Variants in TKT observed in about 807,000 individuals in gnomAD.
The protein encoded by TKT is epididymis luminal protein 107.
TKT carries 47 observed loss-of-function variants against 63.9 expected under a neutral mutation model. The ratio of observed to expected loss-of-function variants is 0.74; its 90% CI spans 0.58 to 0.94. TKT has a LOEUF of 0.94. Ranked by LOEUF, TKT falls within the 40% of genes least tolerant of loss-of-function variation. TKT has a pLI of 0.00. For synonymous variants in TKT, 338 were observed against 334.1 expected, an observed-to-expected ratio of 1.01 and a Z score of -0.13; for missense variants, 721 against 846.2, an observed-to-expected ratio of 0.85 and a Z score of 1.84.
intron 1 of TKT, among the ~76,000 whole-genome samples, chr3:53,243,386 A>G (rs1487679818): frequency 6.6e-6 from 1 of 151,996 alleles, no homozygotes; most frequent in Non-Finnish European, 1.5e-5. Context: ...ACACGAAGAC[A>G]CGCCGCATGC....
intron 4 of TKT, among the ~76,000 whole-genome samples, chr3:53,238,809 G>A (rs1355233153): frequency 3.9e-5 from 6 of 152,210 alleles, no homozygotes; most frequent in Admixed American, 1.3e-4. Context: ...GACGGGTCAC[G>A]GTTCTCACAC....
chr3:53,245,708 C>T (rs957506147), intron 1 of TKT, among the ~76,000 whole-genome samples: 2 of 152,016 alleles, frequency 1.3e-5, no homozygotes, highest in Middle Eastern at 3.2e-3. Flanking sequence ...TAGCTTGAAC[C>T]CCGGAGGCGT....
At chr3:53,244,158 T>C (rs2106711995) in intron 1 of TKT, among the ~76,000 whole-genome samples, 1 of 152,328 alleles carries the variant, frequency 6.6e-6, no homozygotes, top group East Asian at 1.9e-4. Flanking sequence ...GCCTGCAGCC[T>C]TTCATTCCTT....
chr3:53,232,705 G>C, intron 6 of TKT: 1 of 398,808 alleles, frequency 2.5e-6, no homozygotes, highest in Non-Finnish European at 4.4e-6. Flanking sequence ...GCCTTGCTCA[G>C]CATCTGCCAT....
chr3:53,251,304 T>G (rs1248915364), intron 1 of TKT, among the ~76,000 whole-genome samples: 1 of 152,252 alleles, frequency 6.6e-6, no homozygotes, highest in Admixed American at 6.5e-5. Flanking sequence ...AGTCTGGCCC[T>G]GGTGAGAACT....
chr3:53,248,361 G>A (rs1705605765), intron 1 of TKT, among the ~76,000 whole-genome samples: 2 of 152,220 alleles, frequency 1.3e-5, no homozygotes, highest in African/African-American at 4.8e-5. Flanking sequence ...ATGAAGGGCT[G>A]GGCGTGGTGG....
chr3:53,228,880 C>T, intron 10 of TKT, 127 bp downstream of exon 10: 2 of 1,359,934 alleles, frequency 1.5e-6, no homozygotes, highest in Non-Finnish European at 2.0e-6. Flanking sequence ...CCACAAGCTA[C>T]ACGAACACCA....
intron 1 of TKT, among the ~76,000 whole-genome samples, chr3:53,250,777 T>TTTTTG (rs1465617702): frequency 3.3e-5 from 5 of 152,004 alleles, no homozygotes; most frequent in Admixed American, 2.6e-4. Flanking sequence ...TAGGAAGGTT[T>TTTTTG]TTTTGTTTTG....
At chr3:53,235,668 G>C (rs1553678445) in intron 4 of TKT, 1 of 153,056 alleles carries the variant, frequency 6.5e-6, no homozygotes, top group Non-Finnish European at 1.5e-5. Context: ...GGCCAAGGAG[G>C]CCTGAGGCAC....
In TKT at chr3:53,233,295, G is replaced by A. The variant is rs1221185153; in HGVS notation, c.630-21C>T. 5.7e-6 allele frequency: 9 copies of A among 1,590,080 alleles called. No homozygotes were observed. In the African/African-American group the frequency reaches 1.2e-4, roughly 21 times the overall value. ...GCCAACTGGGGACAGGGGGCAGAGAGTAAGGGGCAATTCCCAGGGGCCACA... is the reference window on the plus strand; with the variant it reads ...GCCAACTGGGGACAGGGGGCAGAGAATAAGGGGCAATTCCCAGGGGCCACA... On this transcript the variant is annotated intron_variant, in intron 5 of 13. Coordinates refer to ENST00000462138, the MANE Select transcript of TKT (RefSeq NM_001064.4).
chr3:53,241,138 C>A lies in TKT; in HGVS notation c.333G>T (p.Pro111=), dbSNP rs569397770. 2 of 1,557,228 alleles carry A rather than the reference C, an allele frequency of 1.3e-6. No homozygotes were observed. The highest frequency in any genetic ancestry group is 2.8e-5 in the African/African-American group (2 of 70,778). The stretch of plus-strand genomic sequence containing the variant: ...CTCTGGCAGGAGCACTTACCGGGAC[C>A]GGGTGCCCGTCCAAGTCGGAGCTGA... The part of the protein sequence containing the change: ...RKISSDLDGH[P]VPKQAFTDVA... Residue 111 remains proline (P), a synonymous_variant, in exon 3 of 14, where the codon CCG becomes CCT. Transcript: ENST00000462138.
At position 53,233,184 on chromosome 3, in the gene TKT, G is replaced by C; in HGVS notation, c.720C>G (p.Ala240=). ...QAKHQPTAII[A]KTFKGRGITG... Reference sequence around the variant, plus strand: ...TGATCCCTCGGCCCTTGAAGGTCTTGGCAATGATGGCTGTTGGCTGGTGCT... The same window carrying C: ...TGATCCCTCGGCCCTTGAAGGTCTTCGCAATGATGGCTGTTGGCTGGTGCT... Residue 240 remains alanine, a synonymous_variant, in exon 6 of 14, where the codon GCC becomes GCG. Transcript: ENST00000462138. 6.2e-7 allele frequency: 1 copy of C among 1,614,012 alleles called. No homozygotes were observed. Among genetic ancestry groups the C allele is most frequent in the Non-Finnish European group, 8.5e-7 (1 of 1,179,960 alleles).
intron 1 of TKT, among the ~76,000 whole-genome samples, chr3:53,252,841 A>G: frequency 7.4e-6 from 1 of 135,134 alleles, no homozygotes. Flanking sequence ...CCCAAGAGGC[A>G]TTCTTTTTTT....
chr3:53,225,755 C>T lies in TKT; in HGVS notation c.*1G>A. On this transcript the variant is annotated 3_prime_UTR_variant, in exon 14 of 14. Coordinates refer to ENST00000462138, the MANE Select transcript of TKT (RefSeq NM_001064.4). ...CCCCCGCCCCACACTTCATACCCGC[C>T]CTAGGCCTTGGTGATGAGGCCCCTC... 1.9e-6 allele frequency: 3 copies of T among 1,610,074 alleles called. No homozygotes were observed. Among genetic ancestry groups the T allele is most frequent in the Non-Finnish European group, 2.5e-6 (3 of 1,177,562 alleles).
intron 4 of TKT, among the ~76,000 whole-genome samples, chr3:53,239,034 C>T (rs1292691309): frequency 6.6e-6 from 1 of 152,198 alleles, no homozygotes; most frequent in Non-Finnish European, 1.5e-5. Context: ...ATCATGGGGA[C>T]AGGTCTTCCC....
chr3:53,226,828 T>C lies in TKT; in HGVS notation c.1624A>G (p.Arg542Gly). 3 of 1,614,012 alleles carry C rather than the reference T, an allele frequency of 1.9e-6. No individual in the cohort carries two copies. The highest frequency in any genetic ancestry group is 2.5e-6 in the Non-Finnish European group (3 of 1,179,942). Reference protein sequence around the residue: ...LDPFTIKPLDRKLILDSARAT... With the variant: ...LDPFTIKPLDGKLILDSARAT... ...CGAGCGCTGTCGAGAATGAGTTTTC[T>C]GTCCAGGGGCTTGATGGTGAAGGGG... Residue 542 changes from arginine (R) to glycine (G), a missense_variant, in exon 13 of 14, where the codon AGA (arginine) becomes GGA (glycine). By Grantham distance (125) the Arg-to-Gly change is moderately radical. Coordinates refer to ENST00000462138, the MANE Select transcript of TKT (RefSeq NM_001064.4).
intron 1 of TKT, among the ~76,000 whole-genome samples, chr3:53,242,575 A>T (rs1196153803): frequency 6.6e-6 from 1 of 152,208 alleles, no homozygotes; most frequent in Non-Finnish European, 1.5e-5. Flanking sequence ...CTAGCACAGA[A>T]GACTCAGCCC....
At chr3:53,235,790 GA>G (rs1704999896) in intron 4 of TKT, among the ~76,000 whole-genome samples, 1 of 152,212 alleles carries the variant, frequency 6.6e-6, no homozygotes, top group Admixed American at 6.5e-5. Context: ...ACTAGCTCTT[GA>G]CCCCAAGACT....
chr3:53,248,927 A>G (rs1705633635), intron 1 of TKT, among the ~76,000 whole-genome samples: 1 of 152,098 alleles, frequency 6.6e-6, no homozygotes, highest in African/African-American at 2.4e-5. Context: ...TGATACGCCA[A>G]TTATACCTTA....
Sources: gnomAD v4.1 joint callset for allele counts (sites outside exome capture counted in the v4.1 genomes callset) on GRCh38, gnomAD v4.1.1 for gene constraint, MANE v1.5 for transcripts, NCBI Gene and HGNC (gene_info 2026-07-23, HGNC 2026-07-21) for gene names.